FYTTD1: variants seen among roughly 807,000 people sequenced by gnomAD.
FYTTD1 encodes UAP56-interacting factor.
FYTTD1 carries 22 observed loss-of-function variants against 40.9 expected under a neutral mutation model. The observed-to-expected ratio is 0.54, with a 90% CI of 0.38 to 0.77. The LOEUF (loss-of-function observed/expected upper bound fraction) is 0.77. Among genes scored for constraint, FYTTD1 ranks in the 30% least tolerant of loss-of-function variants. The pLI is 0.00. For synonymous variants in FYTTD1, 140 were observed against 137.9 expected (o/e 1.01, Z -0.10); for missense variants, 351 against 392.2 (o/e 0.90, Z 0.89).
intron 4 of FYTTD1, among the ~76,000 whole-genome samples, chr3:197,771,537 G>A (rs1400456847): frequency 6.6e-6 from 1 of 152,096 alleles, no homozygotes; most frequent in Non-Finnish European, 1.5e-5. Flanking sequence ...AGCACTTTGG[G>A]AGGCCGAGGC....
intron 1 of FYTTD1, chr3:197,750,478 G>A (rs1728982304): frequency 3.0e-6 from 3 of 992,436 alleles, no homozygotes; most frequent in Non-Finnish European, 3.6e-6. Context: ...GGGAGCGAGG[G>A]GAATGGTCCG....
chr3:197,762,094 A>G (rs1729405739), intron 2 of FYTTD1, among the ~76,000 whole-genome samples: 1 of 152,136 alleles, frequency 6.6e-6, no homozygotes, highest in African/African-American at 2.4e-5. Flanking sequence ...CATCCTCATG[A>G]CTTTACCTCC....
In FYTTD1 at chr3:197,768,458, GA is replaced by G; in HGVS notation, c.257del (p.Asn86IlefsTer6). 3.1e-6 allele frequency: 5 copies of G among 1,611,586 alleles called. No individual in the cohort carries two copies. The highest frequency in any genetic ancestry group is 4.2e-6 in the Non-Finnish European group (5 of 1,178,216). ...CTATAGGTTTTGGTAAGACTAGTCT[GA>G]ATCGTAGAGGAAGAGTAATGCCTGG... is the stretch of plus-strand genomic sequence containing the variant. ...QNSGFGKTSL[N>X]RRGRVMPGKR... On this transcript the variant is annotated frameshift_variant, in exon 3 of 9. Transcript: ENST00000241502. LOFTEE classifies it high-confidence loss of function.
intron 1 of FYTTD1, among the ~76,000 whole-genome samples, chr3:197,752,175 T>C (rs1163877101): frequency 6.6e-6 from 1 of 152,238 alleles, no homozygotes; most frequent in Non-Finnish European, 1.5e-5. Context: ...GCATTTTATA[T>C]ATTAACTCAG....
In FYTTD1 at chr3:197,785,984, C is replaced by T. The variant is rs769938433; in HGVS notation, c.*4075C>T. On this transcript the variant is annotated 3_prime_UTR_variant, in exon 9 of 9. Coordinates refer to ENST00000241502, the MANE Select transcript of FYTTD1 (RefSeq NM_032288.7). ...ACTTCAGTAAACACAGCATTTACAA[C>T]AAGAATTGTGGACTATGGTGGACCA... 1 of 150,574 alleles carries T rather than the reference C, an allele frequency of 6.6e-6. No individual in the cohort carries two copies. The highest frequency in any genetic ancestry group is 1.5e-5 in the Non-Finnish European group (1 of 67,772). 9.3% of individuals were successfully genotyped at this position (150,574 alleles called of 1,614,324 possible). A position where few individuals can be genotyped will look rare whatever the true frequency, so the allele number is the denominator to read the frequency against.
At chr3:197,772,819 G>A (rs1729757621) in intron 4 of FYTTD1, among the ~76,000 whole-genome samples, 1 of 152,148 alleles carries the variant, frequency 6.6e-6, no homozygotes, top group African/African-American at 2.4e-5. Context: ...ATGTTACCCA[G>A]GCTGGTCTCA....
chr3:197,756,395 A>G, intron 1 of FYTTD1, 31 bp from the exon 2 acceptor site: 1 of 1,529,760 alleles, frequency 6.5e-7, no homozygotes, highest in South Asian at 1.1e-5. Flanking sequence ...TTAAGTTAAA[A>G]TGAAAATAAT....
In FYTTD1 at chr3:197,774,147, A is replaced by T. The variant is rs750466107; in HGVS notation, c.595-2A>T. On this transcript the variant is annotated splice_acceptor_variant, in intron 5 of 8. Coordinates refer to ENST00000241502, the MANE Select transcript of FYTTD1 (RefSeq NM_032288.7). LOFTEE classifies it high-confidence loss of function. The stretch of plus-strand genomic sequence containing the variant: ...TACCTACTGCTTTTTTTTTCCCTTC[A>T]GGTGCAGGCCCAGTTGAATACAGAA... The T allele has an allele frequency of 1.9e-6, 3 of 1,612,980 alleles. No individual in the cohort carries two copies. The South Asian group carries it at 3.3e-5, about 18-fold the overall frequency.
At chr3:197,774,776 C>T (rs1026513961) in intron 6 of FYTTD1, among the ~76,000 whole-genome samples, 10 of 151,144 alleles carry the variant, frequency 6.6e-5, no homozygotes, top group Admixed American at 1.3e-4. Context: ...GCTCGATGGC[C>T]AGTGCACACC....
rs751166914 is a variant in FYTTD1, at chr3:197,785,480, A to AT, written c.*3573dup. On this transcript the variant is annotated 3_prime_UTR_variant, in exon 9 of 9. Transcript: ENST00000241502. The stretch of plus-strand genomic sequence containing the variant: ...TACTGTGTCTGAGGAAACAGGCCTC[A>AT]TTGCTCAGCAGTGAGTTTTTATTAG... 1 of 152,230 alleles carries AT rather than the reference A, an allele frequency of 6.6e-6. No individual in the cohort carries two copies. The highest frequency in any genetic ancestry group is 1.5e-5 in the Non-Finnish European group (1 of 68,044). 9.4% of individuals were successfully genotyped at this position (152,230 alleles called of 1,614,324 possible). A position where few individuals can be genotyped will look rare whatever the true frequency, so the allele number is the denominator to read the frequency against.
At chr3:197,752,740 C>T (rs760449130) in intron 1 of FYTTD1, among the ~76,000 whole-genome samples, 14 of 151,512 alleles carry the variant, frequency 9.2e-5, no homozygotes, top group Non-Finnish European at 1.6e-4. Flanking sequence ...TGTTTTTATA[C>T]ATACACTATA....
At chr3:197,765,899 G>A (rs1459279494) in intron 2 of FYTTD1, among the ~76,000 whole-genome samples, 1 of 152,124 alleles carries the variant, frequency 6.6e-6, no homozygotes, top group African/African-American at 2.4e-5. Flanking sequence ...GGGAGACTGA[G>A]GCAGGAGAAT....
intron 2 of FYTTD1, among the ~76,000 whole-genome samples, chr3:197,766,431 G>GT (rs71943428): frequency 8.2e-4 from 4 of 4,876 alleles, no homozygotes; most frequent in African/African-American, 1.5e-3. Flanking sequence ...TTTGAGACTG[G>GT]TGTGTGTGTG....
At chr3:197,766,388 G>T (rs76460248) in intron 2 of FYTTD1, among the ~76,000 whole-genome samples, 3 of 147,052 alleles carry the variant, frequency 2.0e-5, no homozygotes, top group Admixed American at 7.1e-5. Context: ...AAAAACATGG[G>T]ATAATATTTT....
intron 2 of FYTTD1, among the ~76,000 whole-genome samples, chr3:197,757,463 T>G (rs903500682): frequency 1.3e-5 from 2 of 152,244 alleles, no homozygotes; most frequent in African/African-American, 4.8e-5. Context: ...GTTCTGTGTT[T>G]ACAGCTAATA....
At chr3:197,781,686 A>C in intron 8 of FYTTD1, 125 bp from the exon 9 acceptor site, 1 of 636,034 alleles carries the variant, frequency 1.6e-6, no homozygotes, top group Non-Finnish European at 2.7e-6. Flanking sequence ...AATATTTAGG[A>C]AATTTTAGCT....
At chr3:197,760,068 TTCAGTGGTAGAACGTATAGAATGTTCC>T (rs1729332740) in intron 2 of FYTTD1, among the ~76,000 whole-genome samples, 13 of 152,120 alleles carry the variant, frequency 8.5e-5, no homozygotes, top group Admixed American at 2.0e-4. Flanking sequence ...AGAGTTGTTC[TTCAGTGGTAGAACGTATAGAATGTTCC>T]TCAGTGGTAG....
intron 2 of FYTTD1, among the ~76,000 whole-genome samples, chr3:197,764,086 G>A (rs1403141418): frequency 2.6e-5 from 4 of 152,124 alleles, no homozygotes; most frequent in Admixed American, 1.3e-4. Flanking sequence ...ATGTAAAAGG[G>A]TCTTCATAAA....
In FYTTD1 at chr3:197,749,956, C is replaced by A. The variant is rs764316335; in HGVS notation, c.-16C>A. ...CGGCCTTGTCCGCGCCCGCTCTCGG[C>A]GCGACGTCTCCAGCCATGAACCGGT... is the stretch of plus-strand genomic sequence containing the variant. On this transcript the variant is annotated 5_prime_UTR_variant, in exon 1 of 9. Transcript: ENST00000241502. The A allele has an allele frequency of 4.5e-6, 7 of 1,546,564 alleles. No individual in the cohort carries two copies. In the South Asian group the frequency reaches 7.0e-5, roughly 15 times the overall value.
Sources: allele counts gnomAD v4.1 joint callset (sites outside exome capture counted in the v4.1 genomes callset), GRCh38; gene constraint gnomAD v4.1.1; transcripts MANE v1.5; gene names NCBI Gene and HGNC (gene_info 2026-07-23, HGNC 2026-07-21).